Variants in NEMP1 observed in about 807,000 individuals in gnomAD.
The protein encoded by NEMP1 is nuclear envelope integral membrane protein 1, also known as transmembrane protein 194.
A neutral mutation model predicts 53.7 loss-of-function variants in NEMP1; 29 were observed. The ratio of observed to expected loss-of-function variants is 0.54; its 90% CI spans 0.40 to 0.74. The LOEUF is 0.74. Among genes scored for constraint, NEMP1 ranks in the 30% least tolerant of loss-of-function variants. The probability of loss-of-function intolerance (pLI) is 0.00; values close to 1 mark genes in which losing one functional copy is unlikely to be tolerated. For synonymous variants in NEMP1, 193 were observed against 192.9 expected (o/e 1.00, Z 0.00); for missense variants, 477 against 528.6 (o/e 0.90, Z 0.96).
Position 57,057,173 on chromosome 12 carries a change from G to A in NEMP1, c.*2706C>T, listed in dbSNP as rs750939507. 1 of 152,202 alleles carries A rather than the reference G, an allele frequency of 6.6e-6. No homozygotes were observed. Among genetic ancestry groups the A allele is most frequent in the Non-Finnish European group, 1.5e-5 (1 of 68,054 alleles). The allele number at this position is 152,202 out of a possible 1,614,324, so 9.4% of individuals were successfully genotyped here. On this transcript the variant is annotated 3_prime_UTR_variant, in exon 9 of 9. Transcript: ENST00000300128. ...ATTAATGCTCTACATAATTTGGTCA[G>A]ACTGATGAGAGGCAATAGATTTCCA...
intron 4 of NEMP1, among the ~76,000 whole-genome samples, chr12:57,065,414 AT>A (rs1028519976): frequency 6.6e-6 from 1 of 151,902 alleles, no homozygotes; most frequent in African/African-American, 2.4e-5. Context: ...GTATAAGGCT[AT>A]TTTGTCTACA....
At chr12:57,075,973 A>T (rs2032597594) in intron 1 of NEMP1, among the ~76,000 whole-genome samples, 1 of 151,958 alleles carries the variant, frequency 6.6e-6, no homozygotes, top group Non-Finnish European at 1.5e-5. Flanking sequence ...GCATGGTGGC[A>T]CACACCTGTA....
At chr12:57,065,282 T>A (rs748408239) in intron 4 of NEMP1, among the ~76,000 whole-genome samples, 1 of 152,202 alleles carries the variant, frequency 6.6e-6, no homozygotes, top group Non-Finnish European at 1.5e-5. Flanking sequence ...TACCACAACT[T>A]CTTTCAAAAC....
chr12:57,072,936 G>A (rs2032420259), intron 1 of NEMP1, 24 bp from the exon 2 acceptor site: 1 of 1,589,692 alleles, frequency 6.3e-7, no homozygotes, highest in African/African-American at 1.4e-5. Flanking sequence ...AAGGAAACAA[G>A]AATTAAACAT....
rs781079419 is a variant in NEMP1, at chr12:57,064,775, T to C, written c.546-36A>G. 27 of 1,494,694 alleles carry C rather than the reference T, an allele frequency of 1.8e-5. No individual in the cohort carries two copies. The Admixed American group carries it at 2.2e-4, about 12-fold the overall frequency. The allele number at this position is 1,494,694 out of a possible 1,614,324, so 92.6% of individuals were successfully genotyped here. ...AAAATGTATTTCATGACCATATGTA[T>C]ATATTTCATACATAGCACTGTTGAA... On this transcript the variant is annotated intron_variant, in intron 4 of 8. Transcript: ENST00000300128.
chr12:57,063,240 T>C lies in NEMP1; in HGVS notation c.859A>G (p.Met287Val). ...INLLTWTLQL[M>V]GLCFMYSGIQ... Reference sequence around the variant, plus strand: ...CCAGAATACATGAAACACAGGCCCATCAGCTGCAAGGTCCAGGTCAGCAGG... The same window carrying C: ...CCAGAATACATGAAACACAGGCCCACCAGCTGCAAGGTCCAGGTCAGCAGG... Residue 287 changes from methionine to valine, a missense_variant, in exon 7 of 9, where the codon ATG becomes GTG. Physicochemically the swap from Met to Val is conservative, Grantham distance 21. Coordinates refer to ENST00000300128, the MANE Select transcript of NEMP1 (RefSeq NM_001130963.2). 1.2e-6 allele frequency: 2 copies of C among 1,614,182 alleles called. No individual in the cohort carries two copies. The highest frequency in any genetic ancestry group is 8.5e-7 in the Non-Finnish European group (1 of 1,180,032).
chr12:57,064,717 T>C lies in NEMP1; in HGVS notation c.568A>G (p.Thr190Ala), dbSNP rs1565658642. Reference sequence around the variant, plus strand: ...GCCACAATTCCCACAGTCATCCCAGTAGAGTAGTAGAAAATTTGACTTCTG... The same window carrying C: ...GCCACAATTCCCACAGTCATCCCAGCAGAGTAGTAGAAAATTTGACTTCTG... Reference protein sequence around the residue: ...LSRSQIFYYSTGMTVGIVASL... With the variant: ...LSRSQIFYYSAGMTVGIVASL... Residue 190 changes from threonine to alanine, a missense_variant, in exon 5 of 9, where the codon ACT (threonine) becomes GCT (alanine). Coordinates refer to ENST00000300128, the MANE Select transcript of NEMP1 (RefSeq NM_001130963.2). 2.5e-6 allele frequency: 4 copies of C among 1,612,764 alleles called. No individual in the cohort carries two copies. Among genetic ancestry groups the C allele is most frequent in the Non-Finnish European group, 3.4e-6 (4 of 1,179,408 alleles).
chr12:57,060,819 T>C lies in NEMP1; in HGVS notation c.1107A>G (p.Pro369=). The C allele has an allele frequency of 4.3e-6, 7 of 1,614,150 alleles. No individual in the cohort carries two copies. The highest frequency in any genetic ancestry group is 5.9e-6 in the Non-Finnish European group (7 of 1,180,004). The change falls in exon 8 of 9, where the codon CCA becomes CCG. Residue 369 remains proline (P), a synonymous_variant. Transcript: ENST00000300128. ...AAACAGTCTTCCAAGCAGAGCAGTCTGGACTGTTACAAAATTCTCGGAGCT... is the reference window on the plus strand; with the variant it reads ...AAACAGTCTTCCAAGCAGAGCAGTCCGGACTGTTACAAAATTCTCGGAGCT... ...LEELREFCNS[P]DCSAWKTVSR... is the part of the protein sequence containing the mutation.
upstream of NEMP1, among the ~76,000 whole-genome samples, chr12:57,082,267 A>G (rs574260734): frequency 6.6e-6 from 1 of 152,366 alleles, no homozygotes; most frequent in Admixed American, 6.5e-5. Flanking sequence ...AATAAACTGT[A>G]GACTTTAGTT....
At chr12:57,062,115 C>T (rs1294925370) in intron 7 of NEMP1, among the ~76,000 whole-genome samples, 2 of 152,134 alleles carry the variant, frequency 1.3e-5, no homozygotes, top group African/African-American at 2.4e-5. Context: ...TGCAAGGTGA[C>T]AAAACATGCT....
At chr12:57,064,535 T>C (rs1209551340) in intron 5 of NEMP1, 111 bp downstream of exon 5, 3 of 736,942 alleles carry the variant, frequency 4.1e-6, no homozygotes, top group Non-Finnish European at 4.5e-6. Context: ...GAGTAGGATA[T>C]TGACTCATCA....
intron 1 of NEMP1, among the ~76,000 whole-genome samples, chr12:57,076,348 A>T (rs2032620282): frequency 6.6e-6 from 1 of 152,026 alleles, no homozygotes; most frequent in Non-Finnish European, 1.5e-5. Context: ...TGGGTGTCAC[A>T]GCAAAACCAC....
At chr12:57,068,068 GCCC>G (rs888327046) in intron 4 of NEMP1, among the ~76,000 whole-genome samples, 1 of 149,902 alleles carries the variant, frequency 6.7e-6, no homozygotes, top group Admixed American at 6.7e-5. Flanking sequence ...ACCACAACCA[GCCC>G]CCCATTCCAG....
At chr12:57,082,113 G>A (rs1487467207), upstream of NEMP1, among the ~76,000 whole-genome samples, 1 of 152,018 alleles carries the variant, frequency 6.6e-6, no homozygotes, top group Non-Finnish European at 1.5e-5. Flanking sequence ...CTACTCAGGA[G>A]GCTGAGGCAG....
At chr12:57,062,639 T>A (rs1438047062) in intron 7 of NEMP1, among the ~76,000 whole-genome samples, 1 of 151,836 alleles carries the variant, frequency 6.6e-6, no homozygotes, top group African/African-American at 2.4e-5. Flanking sequence ...ACATTTGAGG[T>A]CAGGAGTTCA....
intron 5 of NEMP1, 123 bp downstream of exon 5, chr12:57,064,523 G>A (rs1460296515): frequency 6.3e-6 from 4 of 637,678 alleles, no homozygotes; most frequent in Non-Finnish European, 7.8e-6. Context: ...CTGAATCAAG[G>A]AGAGTAGGAT....
At chr12:57,078,543 G>A in intron 1 of NEMP1, 76 bp downstream of exon 1, 1 of 1,517,906 alleles carries the variant, frequency 6.6e-7, no homozygotes. Context: ...AACGGCCCGC[G>A]CCCTCGGGAC....
intron 1 of NEMP1, among the ~76,000 whole-genome samples, chr12:57,084,639 CTT>C (rs1361589431): frequency 6.6e-6 from 1 of 152,194 alleles, no homozygotes; most frequent in African/African-American, 2.4e-5. Context: ...TGCCATGAGT[CTT>C]TGTTTCCAGA....
At chr12:57,082,214 G>C (rs1477056431), upstream of NEMP1, among the ~76,000 whole-genome samples, 1 of 152,134 alleles carries the variant, frequency 6.6e-6, no homozygotes, top group African/African-American at 2.4e-5. Context: ...GTAAGACTCA[G>C]TCTAAACAAC....
Sources: allele counts gnomAD v4.1 joint callset (sites outside exome capture counted in the v4.1 genomes callset), GRCh38; gene constraint gnomAD v4.1.1; transcripts MANE v1.5; gene names NCBI Gene and HGNC (gene_info 2026-07-23, HGNC 2026-07-21).